The following TIAM1 variants were observed in gnomAD, a reference collection of about 807,000 sequenced individuals.
TIAM1 encodes the protein TIAM Rac1 associated GEF 1, also known as rho guanine nucleotide exchange factor TIAM1.
A neutral mutation model predicts 163.5 loss-of-function variants in TIAM1; 65 were observed. That is an observed-to-expected ratio of 0.40 (90% confidence interval 0.33 to 0.49). The LOEUF (loss-of-function observed/expected upper bound fraction) is 0.49, where lower values mean the gene tolerates loss of function less well. Ranked by LOEUF, TIAM1 falls within the 20% of genes least tolerant of loss-of-function variation. The pLI is 0.77. For missense variants in TIAM1, 1,789 were observed against 2,044.7 expected (o/e 0.87, Z 2.41); for synonymous variants, 833 against 810.1 (o/e 1.03, Z -0.48).
At chr21:31,152,045 TTTG>T (rs199733299) in intron 19 of TIAM1, among the ~76,000 whole-genome samples, 646 of 19,924 alleles carry the variant, frequency 0.032, 53 homozygotes, top group African/African-American at 0.088. Flanking sequence ...TTTTTTTTTT[TTTG>T]TAAGACGGAG....
At chr21:31,144,098 C>T (rs188781974) in intron 20 of TIAM1, among the ~76,000 whole-genome samples, 4 of 152,274 alleles carry the variant, frequency 2.6e-5, no homozygotes, top group Admixed American at 2.6e-4. Flanking sequence ...ATCTTGTTAT[C>T]CCTTTTAAGC....
intron 8 of TIAM1, among the ~76,000 whole-genome samples, chr21:31,220,071 G>C (rs1204631623): frequency 2.6e-5 from 4 of 152,202 alleles, no homozygotes; most frequent in Non-Finnish European, 4.4e-5. Flanking sequence ...TGGCCTCACA[G>C]TCATATAGTC....
At chr21:31,518,722 G>A (rs1205536873) in intron 1 of TIAM1, among the ~76,000 whole-genome samples, 1 of 152,132 alleles carries the variant, frequency 6.6e-6, no homozygotes, top group Admixed American at 6.5e-5. Flanking sequence ...TGCTTACACT[G>A]GGAAGGTGGG....
chr21:31,195,392 C>T, intron 12 of TIAM1, 87 bp from the exon 13 acceptor site: 2 of 919,622 alleles, frequency 2.2e-6, no homozygotes, highest in Non-Finnish European at 1.7e-6. Context: ...TATTTTTTCA[C>T]AATTGATACT....
intron 2 of TIAM1, among the ~76,000 whole-genome samples, chr21:31,409,453 C>T (rs1474238346): frequency 6.6e-6 from 1 of 152,180 alleles, no homozygotes; most frequent in Non-Finnish European, 1.5e-5. Context: ...GTTGAGTTTT[C>T]TCACAGACTG....
upstream of TIAM1, among the ~76,000 whole-genome samples, chr21:31,348,660 C>T (rs1260679939): frequency 1.3e-5 from 2 of 152,144 alleles, no homozygotes; most frequent in African/African-American, 2.4e-5. Context: ...ATGGATCCAT[C>T]CCACACACTC....
chr21:31,446,132 G>A (rs534365401), intron 2 of TIAM1, among the ~76,000 whole-genome samples: 1 of 152,068 alleles, frequency 6.6e-6, no homozygotes, highest in Non-Finnish European at 1.5e-5. Flanking sequence ...GTAGAGGCAG[G>A]GTTTCACCAT....
intron 2 of TIAM1, among the ~76,000 whole-genome samples, chr21:31,357,482 C>A (rs527674343): frequency 1.1e-3 from 168 of 152,260 alleles, no homozygotes; most frequent in Non-Finnish European, 1.9e-3. Flanking sequence ...AGACAACTAT[C>A]CATACTCCTC....
intron 2 of TIAM1, among the ~76,000 whole-genome samples, chr21:31,422,026 TA>T (rs369075096): frequency 1.3e-5 from 2 of 151,596 alleles, no homozygotes; most frequent in Admixed American, 1.3e-4. Flanking sequence ...ACCCTGTCTC[TA>T]AAAAAAACAA....
intron 2 of TIAM1, among the ~76,000 whole-genome samples, chr21:31,315,232 T>C (rs1476215410): frequency 2.6e-5 from 4 of 152,064 alleles, no homozygotes; most frequent in African/African-American, 9.6e-5. Flanking sequence ...TAGCTGCGCA[T>C]GGCCGGGCGC....
chr21:31,451,772 AGAG>A (rs1569343363), intron 2 of TIAM1, among the ~76,000 whole-genome samples: 6 of 151,404 alleles, frequency 4.0e-5, no homozygotes, highest in African/African-American at 9.7e-5. Context: ...AGACACAGAG[AGAG>A]AGAGAGAGAG....
intron 2 of TIAM1, among the ~76,000 whole-genome samples, chr21:31,452,254 A>G (rs868365094): frequency 6.6e-6 from 1 of 152,208 alleles, no homozygotes; most frequent in Admixed American, 6.5e-5. Flanking sequence ...CCGAGCCAAC[A>G]TGATGAAATC....
intron 20 of TIAM1, among the ~76,000 whole-genome samples, chr21:31,145,541 T>C (rs185467256): frequency 2.0e-5 from 3 of 152,316 alleles, no homozygotes; most frequent in East Asian, 3.9e-4. Context: ...CACCATATGC[T>C]GAACTATGGC....
intron 22 of TIAM1, among the ~76,000 whole-genome samples, chr21:31,137,884 G>A (rs377088695): frequency 6.7e-5 from 10 of 149,584 alleles, no homozygotes; most frequent in East Asian, 1.9e-4. Flanking sequence ...AGCCACATAC[G>A]AGATAAATAT....
intron 4 of TIAM1, among the ~76,000 whole-genome samples, chr21:31,264,471 C>T (rs1046436471): frequency 1.3e-5 from 2 of 152,196 alleles, no homozygotes; most frequent in Admixed American, 1.3e-4. Flanking sequence ...CATATTATTT[C>T]ATTCTACTTT....
intron 1 of TIAM1, among the ~76,000 whole-genome samples, chr21:31,480,090 C>A (rs2046064069): frequency 6.6e-6 from 1 of 152,184 alleles, no homozygotes; most frequent in Admixed American, 6.5e-5. Context: ...AGGCACATAG[C>A]CACCATCCAA....
intron 22 of TIAM1, among the ~76,000 whole-genome samples, chr21:31,140,476 C>T (rs563476329): frequency 6.6e-6 from 1 of 152,280 alleles, no homozygotes; most frequent in African/African-American, 2.4e-5. Flanking sequence ...CAGGGGTACA[C>T]AGTAATGCTT....
intron 2 of TIAM1, chr21:31,452,740 A>G: frequency 2.1e-6 from 1 of 482,288 alleles, no homozygotes; most frequent in South Asian, 1.6e-5. Flanking sequence ...TCTACTACAA[A>G]GTCACTGCAA....
chr21:31,169,778 A>C (rs1306593184), intron 15 of TIAM1, among the ~76,000 whole-genome samples: 1 of 152,202 alleles, frequency 6.6e-6, no homozygotes, highest in Non-Finnish European at 1.5e-5. Context: ...GGCAAAAAAA[A>C]AAATACAAAC....
Sources: gnomAD v4.1 joint callset for allele counts (sites outside exome capture counted in the v4.1 genomes callset) on GRCh38, gnomAD v4.1.1 for gene constraint, MANE v1.5 for transcripts, NCBI Gene and HGNC (gene_info 2026-07-23, HGNC 2026-07-21) for gene names.